Variants in PALM2AKAP2 observed in about 807,000 individuals in gnomAD.
The protein encoded by PALM2AKAP2 is PALM2-AKAP2 fusion protein.
A neutral mutation model predicts 71.5 loss-of-function variants in PALM2AKAP2; 37 were observed. The observed-to-expected ratio is 0.52, with a 90% confidence interval of 0.40 to 0.68. The LOEUF (loss-of-function observed/expected upper bound fraction) is 0.68, where lower values mean the gene tolerates loss of function less well. Among genes scored for constraint, PALM2AKAP2 ranks in the 30% least tolerant of loss-of-function variants. The pLI is 0.00. For missense variants in PALM2AKAP2, 1,224 were observed against 1,191.8 expected (o/e 1.03, Z -0.40); for synonymous variants, 468 against 478.8 (o/e 0.98, Z 0.29).
chr9:109,936,891 C>T (rs1326091631), intron 6 of PALM2AKAP2, among the ~76,000 whole-genome samples: 6 of 152,188 alleles, frequency 3.9e-5, no homozygotes, highest in African/African-American at 7.2e-5. Context: ...TTCCTCCTCC[C>T]GTAATCACAG....
intron 1 of PALM2AKAP2, among the ~76,000 whole-genome samples, chr9:110,133,737 G>A (rs1835785521): frequency 6.6e-6 from 1 of 152,104 alleles, no homozygotes; most frequent in African/African-American, 2.4e-5. Flanking sequence ...TTAGCAGTGA[G>A]TCATTGGCCA....
chr9:110,034,974 G>A (rs1833354614), intron 7 of PALM2AKAP2, among the ~76,000 whole-genome samples: 1 of 151,798 alleles, frequency 6.6e-6, no homozygotes, highest in Admixed American at 6.6e-5. Flanking sequence ...AAAGGGAAAA[G>A]AATGCCATAG....
intron 1 of PALM2AKAP2, among the ~76,000 whole-genome samples, chr9:109,726,786 G>T (rs2118648121): frequency 6.6e-6 from 1 of 152,200 alleles, no homozygotes; most frequent in African/African-American, 2.4e-5. Context: ...ATAGCTACTA[G>T]GCATGCATGG....
chr9:110,057,006 T>C (rs995509565), intron 1 of PALM2AKAP2, among the ~76,000 whole-genome samples: 5 of 152,174 alleles, frequency 3.3e-5, no homozygotes, highest in African/African-American at 1.2e-4. Flanking sequence ...GAACTAAGTT[T>C]TACCTTCTAG....
intron 7 of PALM2AKAP2, among the ~76,000 whole-genome samples, chr9:110,039,250 A>G (rs1473052007): frequency 1.3e-5 from 2 of 152,222 alleles, no homozygotes; most frequent in Admixed American, 6.5e-5. Context: ...CCCTCTCTCA[A>G]TAAATAAATA....
At chr9:109,918,466 G>A (rs1439837922) in intron 3 of PALM2AKAP2, among the ~76,000 whole-genome samples, 1 of 152,206 alleles carries the variant, frequency 6.6e-6, no homozygotes, top group South Asian at 2.1e-4. Context: ...TGAGCAAGCA[G>A]GTTAGAGGCT....
intron 1 of PALM2AKAP2, among the ~76,000 whole-genome samples, chr9:110,116,890 C>T (rs542131881): frequency 1.3e-5 from 2 of 152,270 alleles, no homozygotes; most frequent in South Asian, 4.1e-4. Flanking sequence ...CACTGTGGCT[C>T]TATGAAAGAC....
chr9:109,979,929 C>T (rs546619846), intron 6 of PALM2AKAP2, among the ~76,000 whole-genome samples: 12 of 152,288 alleles, frequency 7.9e-5, no homozygotes, highest in East Asian at 3.9e-4. Flanking sequence ...CTCCCCCAGA[C>T]GCAGACAGGC....
chr9:109,720,058 C>T (rs554232228), intron 1 of PALM2AKAP2, among the ~76,000 whole-genome samples: 14 of 151,898 alleles, frequency 9.2e-5, no homozygotes, highest in African/African-American at 2.2e-4. Context: ...GCGTGATCTC[C>T]GCTCACCACA....
chr9:109,944,022 A>G (rs950895961), intron 6 of PALM2AKAP2: 7 of 152,774 alleles, frequency 4.6e-5, no homozygotes, highest in Admixed American at 2.6e-4. Context: ...TTTCTGTTAA[A>G]ACTGAAATGA....
chr9:110,117,579 T>C (rs1290122072), intron 1 of PALM2AKAP2, among the ~76,000 whole-genome samples: 1 of 152,184 alleles, frequency 6.6e-6, no homozygotes, highest in Non-Finnish European at 1.5e-5. Flanking sequence ...GTCTGAGTAA[T>C]TTATAAAGAA....
chr9:109,674,645 A>G (rs1191796574), intron 1 of PALM2AKAP2, among the ~76,000 whole-genome samples: 1 of 152,050 alleles, frequency 6.6e-6, no homozygotes, highest in Non-Finnish European at 1.5e-5. Flanking sequence ...GTCCCTTTAT[A>G]TAGGTAATTG....
At chr9:109,875,289 A>C (rs2131733659) in intron 2 of PALM2AKAP2, among the ~76,000 whole-genome samples, 1 of 152,218 alleles carries the variant, frequency 6.6e-6, no homozygotes, top group Non-Finnish European at 1.5e-5. Context: ...TTCCCACTTT[A>C]AATGTCCTCC....
intron 1 of PALM2AKAP2, among the ~76,000 whole-genome samples, chr9:109,856,248 A>T (rs1286174902): frequency 6.6e-6 from 1 of 152,234 alleles, no homozygotes; most frequent in Non-Finnish European, 1.5e-5. Context: ...AGGAAGATTC[A>T]TTGCAGTCCC....
At chr9:110,132,517 A>T (rs1223321780) in intron 1 of PALM2AKAP2, among the ~76,000 whole-genome samples, 3 of 151,856 alleles carry the variant, frequency 2.0e-5, no homozygotes, top group Middle Eastern at 3.4e-3. Flanking sequence ...TTTAGTGGAG[A>T]CAGGGTTTCA....
intron 6 of PALM2AKAP2, among the ~76,000 whole-genome samples, chr9:109,937,490 T>C (rs1831252510): frequency 6.6e-6 from 1 of 152,148 alleles, no homozygotes; most frequent in South Asian, 2.1e-4. Context: ...CATTCGTTCT[T>C]ACTCTCTTTA....
intron 1 of PALM2AKAP2, among the ~76,000 whole-genome samples, chr9:109,673,417 G>T (rs550361089): frequency 6.6e-6 from 1 of 152,124 alleles, no homozygotes; most frequent in South Asian, 2.1e-4. Context: ...ATGGTTTTGA[G>T]TAAATTTCTT....
chr9:109,864,283 A>G (rs985655681), intron 1 of PALM2AKAP2, among the ~76,000 whole-genome samples: 1 of 152,226 alleles, frequency 6.6e-6, no homozygotes, highest in Non-Finnish European at 1.5e-5. Flanking sequence ...ATGTATGACT[A>G]CAGCACAAAT....
intron 3 of PALM2AKAP2, among the ~76,000 whole-genome samples, chr9:110,165,580 T>A (rs758951107): frequency 7.9e-5 from 12 of 152,184 alleles, no homozygotes; most frequent in Non-Finnish European, 1.6e-4. Context: ...TGTATGACCA[T>A]GGTAAATGGG....
Sources: allele counts gnomAD v4.1 joint callset (sites outside exome capture counted in the v4.1 genomes callset), GRCh38; gene constraint gnomAD v4.1.1; transcripts MANE v1.5; gene names NCBI Gene and HGNC (gene_info 2026-07-23, HGNC 2026-07-21).